Variants in RASD1 observed in about 807,000 individuals in gnomAD.
RASD1 encodes ras related dexamethasone induced 1.
RASD1 carries 13 observed loss-of-function variants against 16.7 expected under a neutral mutation model. The observed-to-expected ratio is 0.78, with a 90% confidence interval of 0.51 to 1.24. The LOEUF is 1.24. Ranked by LOEUF, RASD1 falls within the 50% of genes most tolerant of loss-of-function variation. RASD1 has a pLI of 0.00. For synonymous variants in RASD1, 170 were observed against 172.6 expected (o/e 0.98, Z 0.12); for missense variants, 397 against 407.5 (o/e 0.97, Z 0.22).
rs1244874923 is a variant in RASD1, at chr17:17,495,118, G to A, written c.*7C>T. 2 of 1,610,138 alleles carry A rather than the reference G, an allele frequency of 1.2e-6. No homozygotes were observed. Among genetic ancestry groups the A allele is most frequent in the African/African-American group, 1.3e-5 (1 of 74,850 alleles). On this transcript the variant is annotated 3_prime_UTR_variant, in exon 2 of 2. Transcript: ENST00000225688. ...CCTTAGGTTGTGTCGCCAGCGCGGC[G>A]GGGCTCCTAGCTGATGACGCAGCGC...
At chr17:17,495,848 G>C in intron 1 of RASD1, 48 bp downstream of exon 1, 1 of 1,534,756 alleles carries the variant, frequency 6.5e-7, no homozygotes, top group Non-Finnish European at 8.7e-7. Flanking sequence ...CGCCCTGGCC[G>C]AGGGTTCCCC....
chr17:17,495,443 G>T lies in RASD1; in HGVS notation c.528C>A (p.Ile176=), dbSNP rs768009576. ...DDPQRCAYFE[I]SAKKNSSLDQ... is the part of the protein sequence containing the mutation. ...CCAGGCTGCTGTTCTTCTTGGCCGA[G>T]ATCTCGAAGTAGGCGCAGCGCTGGG... Residue 176 remains isoleucine (I), a synonymous_variant, in exon 2 of 2, where the codon ATC becomes ATA. Coordinates refer to ENST00000225688, the MANE Select transcript of RASD1 (RefSeq NM_016084.5). 1.9e-6 allele frequency: 3 copies of T among 1,608,192 alleles called. No homozygotes were observed. The highest frequency in any genetic ancestry group is 2.5e-6 in the Non-Finnish European group (3 of 1,177,586).
chr17:17,495,779 C>T (rs932932101), intron 1 of RASD1, 95 bp from the exon 2 acceptor site: 5 of 1,463,246 alleles, frequency 3.4e-6, no homozygotes, highest in Non-Finnish European at 4.5e-6. Flanking sequence ...GGCGCGCTAG[C>T]CTCTCTAAGC....
Position 17,495,960 on chromosome 17 carries a change from G to A in RASD1, c.222C>T (p.Leu74=). 1 of 1,612,892 alleles carries A rather than the reference G, an allele frequency of 6.2e-7. No individual in the cohort carries two copies. Among genetic ancestry groups the A allele is most frequent in the Non-Finnish European group, 8.5e-7 (1 of 1,179,998 alleles). ...FYSIRGEVYQ[L]DILDTSGNHP... ...GGTTGCCGGACGTGTCGAGGATGTC[G>A]AGCTGGTAGACCTCGCCGCGGATGG... is the stretch of plus-strand genomic sequence containing the variant. The change falls in exon 1 of 2, where the codon CTC becomes CTT. Residue 74 remains leucine, a synonymous_variant. Transcript: ENST00000225688.
In RASD1 at chr17:17,495,241, C is replaced by CA; in HGVS notation, c.729dup (p.Gly244TrpfsTer140). The CA allele has an allele frequency of 6.2e-7, 1 of 1,601,286 alleles. No homozygotes were observed. Among genetic ancestry groups the CA allele is most frequent in the Non-Finnish European group, 8.5e-7 (1 of 1,175,052 alleles). On this transcript the variant is annotated frameshift_variant, in exon 2 of 2. Transcript: ENST00000225688. LOFTEE classifies it high-confidence loss of function. ...CGGCGCGCGAAGGGTGCCACGATGC[C>CA]AAAGGCGTCGCCCGGGTCGCCGCCG... is the stretch of plus-strand genomic sequence containing the variant.
chr17:17,495,848 G>A (rs775717916), intron 1 of RASD1, 48 bp downstream of exon 1: 9 of 1,534,640 alleles, frequency 5.9e-6, no homozygotes, highest in Admixed American at 3.9e-5. Flanking sequence ...CGCCCTGGCC[G>A]AGGGTTCCCC....
Position 17,495,543 on chromosome 17 carries a change from C to T in RASD1, c.428G>A (p.Cys143Tyr). Reference sequence around the variant, plus strand: ...GAAGTCGCGGTCACCCTTGTTGCCGCAGATGACCAGGGGCACGTCCACGTT... The same window carrying T: ...GAAGTCGCGGTCACCCTTGTTGCCGTAGATGACCAGGGGCACGTCCACGTT... Reference protein sequence around the residue: ...KENVDVPLVICGNKGDRDFYR... With the variant: ...KENVDVPLVIYGNKGDRDFYR... The change falls in exon 2 of 2, where the codon TGC (cysteine) becomes TAC (tyrosine). Residue 143 changes from cysteine (C) to tyrosine (Y), a missense_variant. By Grantham distance (194) the Cys-to-Tyr change is radical. Transcript: ENST00000225688. The T allele has an allele frequency of 5.6e-6, 9 of 1,612,792 alleles. No homozygotes were observed. The highest frequency in any genetic ancestry group is 7.6e-6 in the Non-Finnish European group (9 of 1,179,804).
In RASD1 at chr17:17,495,967, T is replaced by A. The variant is rs770144521; in HGVS notation, c.215A>T (p.Tyr72Phe). Residue 72 changes from tyrosine to phenylalanine, a missense_variant, in exon 1 of 2, where the codon TAC (tyrosine) becomes TTC (phenylalanine). Tyr to Phe is a conservative substitution (Grantham distance 22). Transcript: ENST00000225688. The stretch of plus-strand genomic sequence containing the variant: ...GGACGTGTCGAGGATGTCGAGCTGG[T>A]AGACCTCGCCGCGGATGGAGTAGAA... Reference protein sequence around the residue: ...RKFYSIRGEVYQLDILDTSGN... With the variant: ...RKFYSIRGEVFQLDILDTSGN... 1 of 1,613,176 alleles carries A rather than the reference T, an allele frequency of 6.2e-7. No homozygotes were observed. Among genetic ancestry groups the A allele is most frequent in the African/African-American group, 1.3e-5 (1 of 75,034 alleles).
At chr17:17,495,798 C>T in intron 1 of RASD1, 98 bp downstream of exon 1, 2 of 1,469,596 alleles carry the variant, frequency 1.4e-6, no homozygotes, top group Non-Finnish European at 1.8e-6. Context: ...GCGCGAAGCG[C>T]ACTACTCGGC....
Position 17,495,208 on chromosome 17 carries a change from C to G in RASD1, c.763G>C (p.Val255Leu). ...IVAPFARRPS[V>L]HSDLMYIREK... ...CGGATGTACATGAGGTCGCTGTGTA[C>G]GCTGGGCCGGCGCGCGAAGGGTGCC... The change falls in exon 2 of 2, where the codon GTA becomes CTA. Residue 255 changes from valine to leucine, a missense_variant. Coordinates refer to ENST00000225688, the MANE Select transcript of RASD1 (RefSeq NM_016084.5). The G allele has an allele frequency of 6.2e-7, 1 of 1,611,198 alleles. No individual in the cohort carries two copies. Among genetic ancestry groups the G allele is most frequent in the Non-Finnish European group, 8.5e-7 (1 of 1,179,536 alleles).
In RASD1 at chr17:17,494,946, C is replaced by T; in HGVS notation, c.*179G>A. The T allele has an allele frequency of 1.0e-5, 8 of 793,382 alleles. No homozygotes were observed. The highest frequency in any genetic ancestry group is 1.5e-5 in the Non-Finnish European group (8 of 517,178). The allele number at this position is 793,382 out of a possible 1,614,324, so 49.1% of individuals were successfully genotyped here. A position where few individuals can be genotyped will look rare whatever the true frequency, so the allele number is the denominator to read the frequency against. On this transcript the variant is annotated 3_prime_UTR_variant, in exon 2 of 2. Coordinates refer to ENST00000225688, the MANE Select transcript of RASD1 (RefSeq NM_016084.5). ...TCCCAGTCTTGGCCCGTTCTCTTTC[C>T]TTCCGGAGCAGATGACCGTCCCTTC... is the stretch of plus-strand genomic sequence containing the variant.
Position 17,495,882 on chromosome 17 carries a change from G to A in RASD1, c.286+14C>T, listed in dbSNP as rs910256992. The A allele has an allele frequency of 1.4e-6, 2 of 1,399,360 alleles. No homozygotes were observed. The highest frequency in any genetic ancestry group is 2.0e-6 in the Non-Finnish European group (2 of 1,019,996). The allele number at this position is 1,399,360 out of a possible 1,614,324, so 86.7% of individuals were successfully genotyped here. A position where few individuals can be genotyped will look rare whatever the true frequency, so the allele number is the denominator to read the frequency against. On this transcript the variant is annotated intron_variant, in intron 1 of 1. Transcript: ENST00000225688. ...CCGCCCTTCCCTCCCGCACCTGCCC[G>A]GCCCCCGGCTCACCTGTGAGGATGG... is the stretch of plus-strand genomic sequence containing the variant.
In RASD1 at chr17:17,494,994, G is replaced by C; in HGVS notation, c.*131C>G. On this transcript the variant is annotated 3_prime_UTR_variant, in exon 2 of 2. Transcript: ENST00000225688. Reference sequence around the variant, plus strand: ...TTCTCGGTTCAGTGGCGCCTCCCCAGTGCTGGGGGCGGATCGCCGGGAGGG... The same window carrying C: ...TTCTCGGTTCAGTGGCGCCTCCCCACTGCTGGGGGCGGATCGCCGGGAGGG... The C allele has an allele frequency of 8.4e-7, 1 of 1,185,136 alleles. No homozygotes were observed. The highest frequency in any genetic ancestry group is 2.5e-5 in the Admixed American group (1 of 40,230). 73.4% of individuals were successfully genotyped at this position (1,185,136 alleles called of 1,614,324 possible). A position where few individuals can be genotyped will look rare whatever the true frequency, so the allele number is the denominator to read the frequency against.
In RASD1 at chr17:17,494,753, G is replaced by A; in HGVS notation, c.*372C>T. On this transcript the variant is annotated 3_prime_UTR_variant, in exon 2 of 2. Coordinates refer to ENST00000225688, the MANE Select transcript of RASD1 (RefSeq NM_016084.5). ...CCCGTGGGTCCTGACCCTCAAGCGG[G>A]CATGACGGTTTCTTGAAGCCTAGCA... 3.4e-6 allele frequency: 1 copy of A among 294,712 alleles called. No homozygotes were observed. The highest frequency in any genetic ancestry group is 6.3e-6 in the Non-Finnish European group (1 of 157,602). 18.3% of individuals were successfully genotyped at this position (294,712 alleles called of 1,614,324 possible). A position where few individuals can be genotyped will look rare whatever the true frequency, so the allele number is the denominator to read the frequency against.
At position 17,495,042 on chromosome 17, in the gene RASD1, C is replaced by A. The variant is rs1905363147; in HGVS notation, c.*83G>T. The stretch of plus-strand genomic sequence containing the variant: ...GGGGAGACGCCAGTCCGCGCGCGCT[C>A]CCGGCCTGGGGCGCACCGGGCCGTT... On this transcript the variant is annotated 3_prime_UTR_variant, in exon 2 of 2. Transcript: ENST00000225688. 2.6e-6 allele frequency: 4 copies of A among 1,532,942 alleles called. No individual in the cohort carries two copies. The African/African-American group carries it at 5.6e-5, about 22-fold the overall frequency. The allele number at this position is 1,532,942 out of a possible 1,614,324, so 95.0% of individuals were successfully genotyped here.
In RASD1 at chr17:17,495,537, T is replaced by G; in HGVS notation, c.434A>C (p.Asn145Thr). ...NVDVPLVICG[N>T]KGDRDFYREV... is the part of the protein sequence containing the mutation. ...GCGGTAGAAGTCGCGGTCACCCTTG[T>G]TGCCGCAGATGACCAGGGGCACGTC... Residue 145 changes from asparagine (N) to threonine (T), a missense_variant, in exon 2 of 2, where the codon AAC (asparagine) becomes ACC (threonine). Physicochemically the swap from Asn to Thr is moderately conservative, Grantham distance 65. Coordinates refer to ENST00000225688, the MANE Select transcript of RASD1 (RefSeq NM_016084.5). The G allele has an allele frequency of 6.2e-7, 1 of 1,612,748 alleles. No homozygotes were observed. The highest frequency in any genetic ancestry group is 8.5e-7 in the Non-Finnish European group (1 of 1,179,782).
Position 17,495,325 on chromosome 17 carries a change from C to A in RASD1, c.646G>T (p.Val216Leu). The change falls in exon 2 of 2, where the codon GTG becomes TTG. Residue 216 changes from valine to leucine, a missense_variant. Transcript: ENST00000225688. ...TTCCGCAGCGCCTTCTTGTGCAGCA[C>A]GTCGCAGTACTGCACCGAGACCTTG... ...HRKVSVQYCD[V>L]LHKKALRNKK... The A allele has an allele frequency of 6.4e-7, 1 of 1,557,514 alleles. No homozygotes were observed. Among genetic ancestry groups the A allele is most frequent in the Non-Finnish European group, 8.7e-7 (1 of 1,150,886 alleles).
At chr17:17,495,751 G>T in intron 1 of RASD1, 67 bp from the exon 2 acceptor site, 1 of 1,492,676 alleles carries the variant, frequency 6.7e-7, no homozygotes, top group South Asian at 1.4e-5. Context: ...AAGTCGGGCT[G>T]ACTTTGAGGC....
At position 17,496,011 on chromosome 17, in the gene RASD1, G is replaced by A. The variant is rs1211728966; in HGVS notation, c.171C>T (p.Ile57=). The change falls in exon 1 of 2, where the codon ATC becomes ATT. Residue 57 remains isoleucine (I), a synonymous_variant. Coordinates refer to ENST00000225688, the MANE Select transcript of RASD1 (RefSeq NM_016084.5). ...AGTAGAACTTGCGGTGGAAGTCCTC[G>A]ATGGTAGGCGTGTAGGCGTCCTCGA... is the stretch of plus-strand genomic sequence containing the variant. The part of the protein sequence containing the change: ...GRFEDAYTPT[I]EDFHRKFYSI... 6.2e-7 allele frequency: 1 copy of A among 1,614,070 alleles called. No homozygotes were observed.
Sources: allele counts gnomAD v4.1 joint callset, GRCh38; gene constraint gnomAD v4.1.1; transcripts MANE v1.5; gene names NCBI Gene and HGNC (gene_info 2026-07-23, HGNC 2026-07-21).